NLRC5: variants seen among roughly 807,000 people sequenced by gnomAD.
NLRC5 encodes the protein protein NLRC5.
In NLRC5, 114 loss-of-function variants were observed where a neutral mutation model predicts 206.9. That is an observed-to-expected ratio of 0.55 (90% confidence interval 0.47 to 0.64). The LOEUF is 0.64. Ranked by LOEUF, NLRC5 falls within the 30% of genes least tolerant of loss-of-function variation. The pLI, the probability that NLRC5 is intolerant of heterozygous loss-of-function variation, is 0.00. For missense variants in NLRC5, 2,008 were observed against 2,305.5 expected, an observed-to-expected ratio of 0.87 and a Z score of 2.64; for synonymous variants, 952 against 962.8, an observed-to-expected ratio of 0.99 and a Z score of 0.21.
At chr16:57,079,355 C>T in intron 45 of NLRC5, 63 bp downstream of exon 45, 1 of 1,565,374 alleles carries the variant, frequency 6.4e-7, no homozygotes, top group Non-Finnish European at 8.8e-7. Context: ...CCTTCTCTGA[C>T]TGAGCCTAAC....
chr16:56,997,552 A>C (rs2057760060), intron 1 of NLRC5, among the ~76,000 whole-genome samples: 2 of 152,082 alleles, frequency 1.3e-5, no homozygotes, highest in Admixed American at 6.6e-5. Flanking sequence ...CTGACCCCAG[A>C]GGATCTTTTT....
rs965602873 is a variant in NLRC5 at position 57,028,448 on chromosome 16, C to T, written c.2243+63C>T. 1.1e-5 allele frequency: 14 copies of T among 1,263,686 alleles called. 1 individual carries two copies. The South Asian group carries it at 1.3e-4, about 12-fold the overall frequency. The allele number at this position is 1,263,686 out of a possible 1,614,324, so 78.3% of individuals were successfully genotyped here. A position where few individuals can be genotyped will look rare whatever the true frequency, so the allele number is the denominator to read the frequency against. On this transcript the variant is annotated intron_variant, in intron 8 of 48. Coordinates refer to ENST00000688547, the MANE Select transcript of NLRC5 (RefSeq NM_001384950.1). Reference sequence around the variant, plus strand: ...TGAGCCACTGCCCAGGTCCCAGAGTCCCCCTGGGGCCTGCATGTTCCTCCA... The same window carrying T: ...TGAGCCACTGCCCAGGTCCCAGAGTTCCCCTGGGGCCTGCATGTTCCTCCA...
chr16:57,067,041 C>A (rs1291816970), intron 34 of NLRC5, among the ~76,000 whole-genome samples: 2 of 152,216 alleles, frequency 1.3e-5, no homozygotes, highest in Non-Finnish European at 2.9e-5. Context: ...GGATTCACAG[C>A]ACCTCTAAAT....
chr16:57,040,341 G>A (rs1366659488), intron 16 of NLRC5, among the ~76,000 whole-genome samples: 1 of 152,180 alleles, frequency 6.6e-6, no homozygotes, highest in East Asian at 1.9e-4. Flanking sequence ...TTCCAGCTGG[G>A]GCTGACATCT....
chr16:57,040,526 C>A, intron 16 of NLRC5, 124 bp from the exon 17 acceptor site: 2 of 873,438 alleles, frequency 2.3e-6, no homozygotes, highest in Non-Finnish European at 3.7e-6. Context: ...GCCAAATTGG[C>A]ACCAAGGTCT....
intron 32 of NLRC5, among the ~76,000 whole-genome samples, chr16:57,063,308 G>A (rs2066745702): frequency 6.6e-6 from 1 of 151,268 alleles, no homozygotes; most frequent in Non-Finnish European, 1.5e-5. Flanking sequence ...TAGAGACAGG[G>A]TTTCACCATG....
chr16:56,998,340 T>C (rs1390317897), intron 1 of NLRC5, among the ~76,000 whole-genome samples: 2 of 152,166 alleles, frequency 1.3e-5, no homozygotes, highest in Admixed American at 1.3e-4. Context: ...CCCATGCCTG[T>C]CCCCTCTCCT....
At chr16:57,025,330 G>C (rs775645807) in intron 5 of NLRC5, 38 bp from the exon 6 acceptor site, 2 of 1,507,028 alleles carry the variant, frequency 1.3e-6, no homozygotes, top group Admixed American at 4.6e-5. Context: ...AGAGGGCCGG[G>C]GGGTCCTCTC....
intron 27 of NLRC5, among the ~76,000 whole-genome samples, chr16:57,056,217 C>T (rs1290210599): frequency 1.3e-5 from 2 of 152,082 alleles, no homozygotes; most frequent in Non-Finnish European, 2.9e-5. Flanking sequence ...GAGAGCAGTC[C>T]GCCAAAAATG....
At chr16:57,017,636 C>A (rs2060226711) in intron 2 of NLRC5, among the ~76,000 whole-genome samples, 2 of 152,132 alleles carry the variant, frequency 1.3e-5, no homozygotes, top group South Asian at 4.1e-4. Context: ...AACAGGGTAG[C>A]CATGATTTGC....
chr16:57,066,496 G>T (rs1417901361), intron 33 of NLRC5, 38 bp from the exon 34 acceptor site: 2 of 1,601,148 alleles, frequency 1.2e-6, no homozygotes, highest in Admixed American at 1.7e-5. Context: ...TCCGGGGAAG[G>T]CTGCCCGACC....
intron 39 of NLRC5, among the ~76,000 whole-genome samples, chr16:57,076,468 G>A (rs1341157261): frequency 1.3e-5 from 2 of 152,216 alleles, no homozygotes; most frequent in Non-Finnish European, 2.9e-5. Flanking sequence ...CATTCAGCCG[G>A]GCCAGCCCGG....
intron 6 of NLRC5, among the ~76,000 whole-genome samples, 160 bp from the exon 7 acceptor site, chr16:57,027,912 T>G (rs757992969): frequency 5.3e-5 from 8 of 152,196 alleles, no homozygotes; most frequent in Non-Finnish European, 1.2e-4. Context: ...TTGCTGTAGA[T>G]GAAGTGGAGA....
At chr16:56,994,737 AC>A (rs1421508471) in intron 1 of NLRC5, among the ~76,000 whole-genome samples, 4 of 152,174 alleles carry the variant, frequency 2.6e-5, no homozygotes, top group Non-Finnish European at 4.4e-5. Context: ...ATGGCAAGAA[AC>A]AAAAAAGTGG....
intron 45 of NLRC5, 42 bp from the exon 46 acceptor site, chr16:57,079,504 C>A: frequency 6.4e-7 from 1 of 1,570,734 alleles, no homozygotes; most frequent in South Asian, 1.1e-5. Context: ...TCCCCTGACT[C>A]AAACAACCCC....
At position 57,027,978 on chromosome 16, in the gene NLRC5, A is replaced by G. The variant is rs1417284961; in HGVS notation, c.2076-94A>G. The G allele has an allele frequency of 6.9e-6, 5 of 727,386 alleles. No individual in the cohort carries two copies. The Admixed American group carries it at 8.1e-5, about 12-fold the overall frequency. 45.1% of individuals were successfully genotyped at this position (727,386 alleles called of 1,614,324 possible). A position where few individuals can be genotyped will look rare whatever the true frequency, so the allele number is the denominator to read the frequency against. On this transcript the variant is annotated intron_variant, in intron 6 of 48. Coordinates refer to ENST00000688547, the MANE Select transcript of NLRC5 (RefSeq NM_001384950.1). ...GCCATAATATGTATTTGTTAGTACT[A>G]CTGTATTAAGCCCCATCTCTCTGAG...
chr16:57,015,389 G>C (rs1012270855), intron 1 of NLRC5, among the ~76,000 whole-genome samples: 3 of 152,078 alleles, frequency 2.0e-5, no homozygotes, highest in Non-Finnish European at 4.4e-5. Context: ...TTCAGTCCAC[G>C]GCAAGTTTTT....
chr16:57,057,893 G>GTGGTGGTGGTGATGGTGGTAATAC (rs1415229254), intron 27 of NLRC5, among the ~76,000 whole-genome samples, 172 bp from the exon 28 acceptor site: 4 of 152,064 alleles, frequency 2.6e-5, no homozygotes, highest in Non-Finnish European at 5.9e-5. Flanking sequence ...GGTGACATTG[G>GTGGTGGTGGTGATGGTGGTAATAC]TGGTGGTGGT....
Position 57,026,018 on chromosome 16 carries a change from G to A in NLRC5, c.1075G>A (p.Ala359Thr). 1 of 1,614,036 alleles carries A rather than the reference G, an allele frequency of 6.2e-7. No homozygotes were observed. The highest frequency in any genetic ancestry group is 2.2e-5 in the East Asian group (1 of 44,886). Residue 359 changes from alanine to threonine, a missense_variant, in exon 6 of 49, where the codon GCA becomes ACA. By Grantham distance (58) the Ala-to-Thr change is moderately conservative. Coordinates refer to ENST00000688547, the MANE Select transcript of NLRC5 (RefSeq NM_001384950.1). ...GCTGCCTGCCTGCCTGCCTGCAGAG[G>A]CAGCCATGGTCCACATGTTGGGCTT... ...GKLPACLPAE[A>T]AMVHMLGFDG...
Sources: allele counts gnomAD v4.1 joint callset (sites outside exome capture counted in the v4.1 genomes callset), GRCh38; gene constraint gnomAD v4.1.1; transcripts MANE v1.5; gene names NCBI Gene and HGNC (gene_info 2026-07-23, HGNC 2026-07-21).